Variants in AGMO observed in about 807,000 individuals in gnomAD.
The protein encoded by AGMO is glyceryl-ether monooxygenase.
In AGMO, 75 loss-of-function variants were observed where a neutral mutation model predicts 60.2. That is an observed-to-expected ratio of 1.25 (90% confidence interval 1.03 to 1.51). The LOEUF is 1.51. AGMO is among the 40% of genes most tolerant of loss of function. The pLI, the probability that AGMO is intolerant of heterozygous loss-of-function variation, is 0.00. For synonymous variants in AGMO, 261 were observed against 177.1 expected (o/e 1.47, Z -3.76); for missense variants, 763 against 525.5 (o/e 1.45, Z -4.42).
intron 12 of AGMO, among the ~76,000 whole-genome samples, chr7:15,204,855 G>C (rs920912242): frequency 1.3e-5 from 2 of 152,122 alleles, no homozygotes; most frequent in East Asian, 1.9e-4. Context: ...ATGTGTGTGT[G>C]TGTTTGTTGC....
chr7:15,553,065 G>A (rs973951057), intron 2 of AGMO, among the ~76,000 whole-genome samples: 38 of 150,018 alleles, frequency 2.5e-4, no homozygotes, highest in Admixed American at 1.3e-3. Flanking sequence ...GTAAACTATC[G>A]CAAGAACAAA....
intron 4 of AGMO, among the ~76,000 whole-genome samples, chr7:15,421,314 G>A (rs1269913122): frequency 6.6e-6 from 1 of 152,114 alleles, no homozygotes; most frequent in Non-Finnish European, 1.5e-5. Context: ...TCTTCGGTAT[G>A]TCTGTGCCTC....
the AGMO span, among the ~76,000 whole-genome samples, chr7:15,192,193 C>T: frequency 1.3e-5 from 2 of 151,976 alleles, no homozygotes; most frequent in Non-Finnish European, 2.9e-5. Context: ...AACCGTGACC[C>T]TAAATGAGAA....
intron 5 of AGMO, among the ~76,000 whole-genome samples, chr7:15,394,459 G>C (rs1234251344): frequency 6.6e-6 from 1 of 152,134 alleles, no homozygotes; most frequent in Non-Finnish European, 1.5e-5. Flanking sequence ...ACTACTGTGT[G>C]ATCCTGGGGA....
chr7:15,190,890 G>A, the AGMO span, among the ~76,000 whole-genome samples: 1 of 151,558 alleles, frequency 6.6e-6, no homozygotes, highest in East Asian at 1.9e-4. Context: ...ACTGGGTTTT[G>A]AGGCTTGTTT....
chr7:15,222,018 G>C (rs951163541), intron 12 of AGMO, among the ~76,000 whole-genome samples: 5 of 152,172 alleles, frequency 3.3e-5, no homozygotes, highest in African/African-American at 1.2e-4. Context: ...TAGTTATTCA[G>C]TTTGGAGAGT....
chr7:15,203,481 ATTTT>A (rs371452233), intron 12 of AGMO, among the ~76,000 whole-genome samples: 3 of 144,046 alleles, frequency 2.1e-5, no homozygotes, highest in African/African-American at 7.5e-5. Flanking sequence ...TAGCAGTCTT[ATTTT>A]TTTTTTCTTT....
At chr7:15,537,575 A>G (rs1173335590) in intron 3 of AGMO, among the ~76,000 whole-genome samples, 1 of 152,064 alleles carries the variant, frequency 6.6e-6, no homozygotes, top group Non-Finnish European at 1.5e-5. Context: ...CGGTTCTCCT[A>G]ATTATTCCTG....
intron 3 of AGMO, among the ~76,000 whole-genome samples, chr7:15,530,836 A>ATATATACATTTCTATATATATTC (rs1562556251): frequency 0.079 from 1,606 of 20,276 alleles, 267 homozygotes; most frequent in East Asian, 0.31. Flanking sequence ...TATATATTCT[A>ATATATACATTTCTATATATATTC]TATATATATA....
intron 12 of AGMO, among the ~76,000 whole-genome samples, chr7:15,215,828 T>G (rs1264005256): frequency 2.6e-5 from 4 of 152,074 alleles, no homozygotes; most frequent in Non-Finnish European, 5.9e-5. Context: ...TTAATTGAAA[T>G]GCAGTATTAT....
the AGMO span, among the ~76,000 whole-genome samples, chr7:15,118,309 T>C: frequency 3.3e-5 from 5 of 151,952 alleles, no homozygotes; most frequent in African/African-American, 4.8e-5. Context: ...AAAAATCAGA[T>C]ATTGACCATA....
chr7:15,256,353 A>AT (rs1783097389), intron 12 of AGMO, among the ~76,000 whole-genome samples: 1 of 151,952 alleles, frequency 6.6e-6, no homozygotes, highest in South Asian at 2.1e-4. Context: ...TTTATTTTTT[A>AT]TTTTTTTGAG....
chr7:15,484,601 C>A (rs1054383338), intron 3 of AGMO, among the ~76,000 whole-genome samples: 5 of 152,076 alleles, frequency 3.3e-5, no homozygotes, highest in South Asian at 4.2e-4. Context: ...TGAAAAACTA[C>A]CAAGTAGGTA....
Position 15,541,268 on chromosome 7 carries a change from G to A in AGMO, c.409+3504C>T, listed in dbSNP as rs536444230. ...CTCCTGAGTAGCTGGGATTACAGGC[G>A]TGGGCCACCACACCTGCTAATTTTT... On this transcript the variant is annotated intron_variant, in intron 3 of 12. Coordinates refer to ENST00000342526, the MANE Select transcript of AGMO (RefSeq NM_001004320.2). Among the ~76,000 whole-genome samples the A allele has an allele frequency of 1.5e-3, 223 of 152,020 alleles. 1 individual carries two copies. The highest frequency in any genetic ancestry group is 4.7e-4 in the Non-Finnish European group (32 of 67,980).
intron 2 of AGMO, among the ~76,000 whole-genome samples, chr7:15,557,825 A>G (rs185914731): frequency 1.4e-3 from 214 of 152,210 alleles, no homozygotes; most frequent in African/African-American, 4.8e-3. Flanking sequence ...CATTTAAAAT[A>G]CTTTAGAAAA....
chr7:15,405,632 G>A (rs1464914763), intron 5 of AGMO, among the ~76,000 whole-genome samples: 6 of 151,854 alleles, frequency 4.0e-5, no homozygotes, highest in African/African-American at 1.4e-4. Context: ...ACTATTCATT[G>A]AAAACATATT....
intron 12 of AGMO, among the ~76,000 whole-genome samples, chr7:15,245,251 C>A (rs1782708071): frequency 6.6e-6 from 1 of 152,112 alleles, no homozygotes; most frequent in Admixed American, 6.5e-5. Context: ...TCCTACTCTA[C>A]CAGATTCCCA....
chr7:15,411,518 T>C (rs1780604966), intron 5 of AGMO, among the ~76,000 whole-genome samples: 2 of 152,004 alleles, frequency 1.3e-5, no homozygotes, highest in Admixed American at 1.3e-4. Context: ...ATGTAAGTTG[T>C]TTTTTTAAAA....
At chr7:15,389,815 A>G (rs997798709) in intron 8 of AGMO, among the ~76,000 whole-genome samples, 1 of 152,218 alleles carries the variant, frequency 6.6e-6, no homozygotes, top group East Asian at 1.9e-4. Flanking sequence ...TAATAGCTAC[A>G]TTAAATATTT....
Sources: allele counts gnomAD v4.1 joint callset (sites outside exome capture counted in the v4.1 genomes callset), GRCh38; gene constraint gnomAD v4.1.1; transcripts MANE v1.5; gene names NCBI Gene and HGNC (gene_info 2026-07-23, HGNC 2026-07-21).